NRF1: variants seen among roughly 807,000 people sequenced by gnomAD.
NRF1 encodes the protein nuclear respiratory factor 1.
Under a neutral mutation model 58.5 loss-of-function variants are expected in NRF1, and 5 were observed. That is an observed-to-expected ratio of 0.09 (90% CI 0.04 to 0.18). NRF1 has a LOEUF of 0.18. Ranked by LOEUF, NRF1 falls within the 10% of genes least tolerant of loss-of-function variation. NRF1 has a pLI of 1.00. For missense variants in NRF1, 288 were observed against 657.7 expected (o/e 0.44, Z 6.15); for synonymous variants, 224 against 246.7 (o/e 0.91, Z 0.86).
intron 9 of NRF1, among the ~76,000 whole-genome samples, chr7:129,722,142 C>T (rs1318050715): frequency 2.6e-5 from 4 of 152,168 alleles, no homozygotes; most frequent in Admixed American, 6.5e-5. Flanking sequence ...CGCCTGTAAT[C>T]CCAGCACTTT....
intron 10 of NRF1, among the ~76,000 whole-genome samples, chr7:129,747,610 T>C (rs1172282479): frequency 6.6e-6 from 1 of 152,160 alleles, no homozygotes; most frequent in African/African-American, 2.4e-5. Context: ...CCCATCTATC[T>C]AGTTTAGCAG....
chr7:129,691,364 A>ATTTTTT (rs35512508), intron 5 of NRF1, among the ~76,000 whole-genome samples: 2 of 134,164 alleles, frequency 1.5e-5, no homozygotes, highest in African/African-American at 2.8e-5. Context: ...TATTATTATT[A>ATTTTTT]TTTTTTTTTT....
intron 2 of NRF1, among the ~76,000 whole-genome samples, chr7:129,666,781 C>G (rs1291477353): frequency 6.6e-6 from 1 of 152,068 alleles, no homozygotes; most frequent in Admixed American, 6.5e-5. Context: ...TCTGCCTACC[C>G]CAGCCTCCCA....
intron 6 of NRF1, among the ~76,000 whole-genome samples, 196 bp from the exon 7 acceptor site, chr7:129,710,178 A>G (rs945808238): frequency 7.9e-5 from 12 of 152,202 alleles, no homozygotes; most frequent in African/African-American, 1.9e-4. Context: ...GAAGAAACCA[A>G]TGAGAAGCCC....
chr7:129,694,245 A>G (rs1802635006), intron 5 of NRF1, among the ~76,000 whole-genome samples: 1 of 152,228 alleles, frequency 6.6e-6, no homozygotes, highest in South Asian at 2.1e-4. Context: ...CCAGCTCCCA[A>G]TTGAATGGGA....
intron 9 of NRF1, among the ~76,000 whole-genome samples, chr7:129,720,836 G>T (rs1160932393): frequency 6.6e-6 from 1 of 152,110 alleles, no homozygotes; most frequent in Non-Finnish European, 1.5e-5. Flanking sequence ...TGGGTATGGA[G>T]AAATTGTCCT....
chr7:129,651,293 A>C (rs185021654), intron 1 of NRF1, among the ~76,000 whole-genome samples: 1 of 151,942 alleles, frequency 6.6e-6, no homozygotes, highest in Non-Finnish European at 1.5e-5. Flanking sequence ...TTGGTGGTGC[A>C]CTTGTAATCC....
At chr7:129,625,675 A>T (rs1228528289) in intron 1 of NRF1, among the ~76,000 whole-genome samples, 76 of 89,004 alleles carry the variant, frequency 8.5e-4, no homozygotes, top group East Asian at 1.0e-3. Context: ...TAATGTTTTA[A>T]TTTTTTTTTT....
At chr7:129,730,518 A>G (rs1342241261) in intron 10 of NRF1, among the ~76,000 whole-genome samples, 2 of 152,204 alleles carry the variant, frequency 1.3e-5, no homozygotes, top group Non-Finnish European at 1.5e-5. Flanking sequence ...AGCAATTTGG[A>G]TATCATTCAG....
At chr7:129,737,376 G>GCACAATGTGTCTTCAAATCTCAA (rs1270044044) in intron 10 of NRF1, among the ~76,000 whole-genome samples, 5 of 152,132 alleles carry the variant, frequency 3.3e-5, no homozygotes, top group African/African-American at 9.7e-5. Flanking sequence ...TCCTAAAATG[G>GCACAATGTGTCTTCAAATCTCAA]CACAATGTGT....
chr7:129,664,596 G>A (rs1446103802), intron 2 of NRF1, among the ~76,000 whole-genome samples: 2 of 152,214 alleles, frequency 1.3e-5, no homozygotes, highest in Admixed American at 1.3e-4. Context: ...CCAGCAGAGG[G>A]CATCTTGACA....
At chr7:129,690,023 G>C (rs1042300836) in intron 4 of NRF1, among the ~76,000 whole-genome samples, 31 of 152,292 alleles carry the variant, frequency 2.0e-4, no homozygotes, top group African/African-American at 7.2e-4. Context: ...AAATGATTTT[G>C]GTGATGAGCT....
chr7:129,643,557 C>G (rs1334199826), intron 1 of NRF1, among the ~76,000 whole-genome samples: 1 of 152,236 alleles, frequency 6.6e-6, no homozygotes, highest in Admixed American at 6.5e-5. Flanking sequence ...GACCCAGTTG[C>G]AAATGCTTGG....
At chr7:129,740,220 G>A (rs1447826520) in intron 10 of NRF1, among the ~76,000 whole-genome samples, 14 of 152,194 alleles carry the variant, frequency 9.2e-5, no homozygotes, top group Non-Finnish European at 7.3e-5. Flanking sequence ...ACTAATTTGC[G>A]GGGTAGCAGA....
chr7:129,680,097 G>T (rs912757486), intron 4 of NRF1, among the ~76,000 whole-genome samples: 1 of 151,790 alleles, frequency 6.6e-6, no homozygotes, highest in African/African-American at 2.4e-5. Context: ...ATAGGCAAAA[G>T]GTCTGAATAG....
At chr7:129,690,919 C>G (rs1264253333) in intron 5 of NRF1, among the ~76,000 whole-genome samples, 3 of 152,224 alleles carry the variant, frequency 2.0e-5, no homozygotes, top group Admixed American at 6.5e-5. Flanking sequence ...TCGGGCTGCT[C>G]TGCTCCTCTT....
At chr7:129,701,097 C>T (rs934249444) in intron 5 of NRF1, among the ~76,000 whole-genome samples, 6 of 152,022 alleles carry the variant, frequency 3.9e-5, no homozygotes, top group Admixed American at 3.9e-4. Context: ...GAAATATTTA[C>T]ATTTATATGA....
intron 9 of NRF1, among the ~76,000 whole-genome samples, chr7:129,723,336 G>A (rs1305749997): frequency 2.0e-5 from 3 of 151,786 alleles, no homozygotes; most frequent in Non-Finnish European, 2.9e-5. Flanking sequence ...CCAGCTACTC[G>A]GGAGGCTGAG....
Position 129,755,452 on chromosome 7 carries a change from G to T in NRF1, c.*271G>T. 1 of 359,996 alleles carries T rather than the reference G, an allele frequency of 2.8e-6. No homozygotes were observed. The highest frequency in any genetic ancestry group is 5.1e-6 in the Non-Finnish European group (1 of 195,310). 22.3% of individuals were successfully genotyped at this position (359,996 alleles called of 1,614,324 possible). ...AGGACTTCTTTCTGCGGAAATGTGTGTGTATACTTATGTGTGTGTATGTGT... is the reference window on the plus strand; with the variant it reads ...AGGACTTCTTTCTGCGGAAATGTGTTTGTATACTTATGTGTGTGTATGTGT... On this transcript the variant is annotated 3_prime_UTR_variant, in exon 11 of 11. Coordinates refer to ENST00000393232, the MANE Select transcript of NRF1 (RefSeq NM_005011.5). This position sits in a 1 kb window ranked among gnomAD's most constrained non-coding sequence, Gnocchi z 5.8.
Sources: allele counts gnomAD v4.1 joint callset (sites outside exome capture counted in the v4.1 genomes callset), GRCh38; gene constraint gnomAD v4.1.1; non-coding constraint Gnocchi (gnomAD v3.1); transcripts MANE v1.5; gene names NCBI Gene and HGNC (gene_info 2026-07-23, HGNC 2026-07-21).